Variants in NSD1 observed in about 807,000 individuals in gnomAD.
The protein encoded by NSD1 is nuclear receptor binding SET domain protein 1.
NSD1 carries 26 observed loss-of-function variants against 242.7 expected under a neutral mutation model. The ratio of observed to expected loss-of-function variants is 0.11; its 90% CI spans 0.08 to 0.15. NSD1 has a LOEUF of 0.15. Among genes scored for constraint, NSD1 ranks in the 10% least tolerant of loss-of-function variants. The pLI, the probability that NSD1 is intolerant of heterozygous loss-of-function variation, is 1.00. For synonymous variants in NSD1, 1,106 were observed against 1,178.1 expected (o/e 0.94, Z 1.25); for missense variants, 2,495 against 3,272.8 (o/e 0.76, Z 5.80).
In NSD1 at chr5:177,240,772, C is replaced by T. The variant is rs528604873; in HGVS notation, c.4302+907C>T. ...CTATAATCCCAGGACTTAGGGAACC[C>T]GAGGCAGTAGGATTGCTTAAGCTCA... On this transcript the variant is annotated intron_variant, in intron 8 of 22. Coordinates refer to ENST00000439151, the MANE Select transcript of NSD1 (RefSeq NM_022455.5). Among the ~76,000 whole-genome samples the T allele has an allele frequency of 9.2e-5, 14 of 152,034 alleles. No individual in the cohort carries two copies. The South Asian group carries it at 1.0e-3, about 11-fold the overall frequency.
intron 14 of NSD1, chr5:177,265,503 G>C (rs1187878820): frequency 3.0e-6 from 2 of 671,982 alleles, no homozygotes; most frequent in South Asian, 1.8e-5. Flanking sequence ...GAGAGAGGAA[G>C]GGGGAGCCCC....
At chr5:177,143,783 CT>C (rs11300578) in intron 2 of NSD1, among the ~76,000 whole-genome samples, 25,465 of 121,056 alleles carry the variant, frequency 0.21, 1,542 homozygotes, top group African/African-American at 0.29. Flanking sequence ...TACAAGATAA[CT>C]TTTTTTTTTT....
intron 2 of NSD1, among the ~76,000 whole-genome samples, chr5:177,177,974 A>G (rs978592840): frequency 6.6e-6 from 1 of 152,146 alleles, no homozygotes; most frequent in Non-Finnish European, 1.5e-5. Flanking sequence ...GGCTCACTGC[A>G]ACCTCCACCT....
Position 177,230,180 on chromosome 5 carries a change from G to A in NSD1, c.3797-5641G>A, listed in dbSNP as rs1352010510. Among the ~76,000 whole-genome samples, 3 of 152,086 alleles carry A rather than the reference G, an allele frequency of 2.0e-5. No homozygotes were observed. In the East Asian group the frequency reaches 5.8e-4, roughly 29 times the overall value. On this transcript the variant is annotated intron_variant, in intron 5 of 22. Coordinates refer to ENST00000439151, the MANE Select transcript of NSD1 (RefSeq NM_022455.5). The stretch of plus-strand genomic sequence containing the variant: ...TCGGTCGCCCTGGCTGGAGTGCAGT[G>A]GTGCTGTCTTGGCTCACTGCAACCT...
intron 2 of NSD1, among the ~76,000 whole-genome samples, chr5:177,185,216 C>T (rs1251637098): frequency 2.0e-5 from 3 of 152,066 alleles, no homozygotes; most frequent in Non-Finnish European, 2.9e-5. Context: ...GCCTGTAATC[C>T]CAGTACTTTA....
intron 3 of NSD1, among the ~76,000 whole-genome samples, chr5:177,198,807 A>G (rs1278246865): frequency 6.6e-6 from 1 of 152,206 alleles, no homozygotes; most frequent in African/African-American, 2.4e-5. Flanking sequence ...TTAGATTTGT[A>G]TACTCAACTC....
rs1756267409 is a variant in NSD1 at position 177,135,767 on chromosome 5, G to A, written c.664G>A (p.Val222Ile). ...DSTPESRHGA[V>I]KSPFLPLAPQ... ...CACACCAGAGAGTAGACACGGTGCA[G>A]TCAAATCGCCATTCTTGCCATTAGC... Residue 222 changes from valine (V) to isoleucine (I), a missense_variant, in exon 2 of 23, where the codon GTC becomes ATC. Coordinates refer to ENST00000439151, the MANE Select transcript of NSD1 (RefSeq NM_022455.5). 6.2e-7 allele frequency: 1 copy of A among 1,613,322 alleles called. No homozygotes were observed. Among genetic ancestry groups the A allele is most frequent in the Non-Finnish European group, 8.5e-7 (1 of 1,179,278 alleles).
In NSD1 at chr5:177,238,400, G is replaced by T. The variant is rs2149887582; in HGVS notation, c.4085G>T (p.Gly1362Val). The stretch of plus-strand genomic sequence containing the variant: ...GGCCCCTTGGCTCAGTCAGAACTTG[G>T]AGGTGGACATGCTGAGTTGCCGCAG... ...LEGPLAQSEL[G>V]GGHAELPQLT... The change falls in exon 7 of 23, where the codon GGA becomes GTA. Residue 1362 changes from glycine to valine, a missense_variant. Coordinates refer to ENST00000439151, the MANE Select transcript of NSD1 (RefSeq NM_022455.5). The surrounding 1 kb of genome is among the most constrained non-coding windows in gnomAD (Gnocchi z 4.6). The T allele has an allele frequency of 1.2e-6, 2 of 1,614,076 alleles. No individual in the cohort carries two copies. The highest frequency in any genetic ancestry group is 1.7e-6 in the Non-Finnish European group (2 of 1,179,998).
In NSD1 at chr5:177,232,520, C is replaced by G. The variant is rs75520452; in HGVS notation, c.3797-3301C>G. ...CACAGCAGAGTTTATTCAACGTCCC[C>G]CAGGGAAAAACTATCCTTCCATCAC... On this transcript the variant is annotated intron_variant, in intron 5 of 22. Coordinates refer to ENST00000439151, the MANE Select transcript of NSD1 (RefSeq NM_022455.5). Among the ~76,000 whole-genome samples the G allele has an allele frequency of 5.4e-3, 827 of 152,250 alleles. 6 individuals are homozygous for G. The highest frequency in any genetic ancestry group is 0.019 in the African/African-American group (782 of 41,534).
At position 177,251,865 on chromosome 5, in the gene NSD1, A is replaced by G. The variant is rs1332304444; in HGVS notation, c.4765+12A>G. On this transcript the variant is annotated intron_variant, in intron 12 of 22. Transcript: ENST00000439151. ...TGAATGTCGCACAGGTAAAGTAGAT[A>G]TCGAACGGTCTTCCTCCAAAGAAAG... is the stretch of plus-strand genomic sequence containing the variant. 1 of 1,614,182 alleles carries G rather than the reference A, an allele frequency of 6.2e-7. No homozygotes were observed. The highest frequency in any genetic ancestry group is 2.2e-5 in the East Asian group (1 of 44,884).
At chr5:177,132,028 T>C (rs1755920418), upstream of NSD1, among the ~76,000 whole-genome samples, 1 of 152,178 alleles carries the variant, frequency 6.6e-6, no homozygotes, top group African/African-American at 2.4e-5. This position sits in a 1 kb window ranked among gnomAD's most constrained non-coding sequence, Gnocchi z 7.5. Context: ...CAGGCCCAGC[T>C]TGGGCTCCCT....
chr5:177,152,163 C>T (rs1053726926), intron 2 of NSD1, among the ~76,000 whole-genome samples: 7 of 151,252 alleles, frequency 4.6e-5, no homozygotes, highest in African/African-American at 1.5e-4. Context: ...CCTGGCCATG[C>T]CCAGCTAATT....
chr5:177,280,875 C>T (rs750969030), intron 18 of NSD1, 41 bp downstream of exon 18: 15 of 1,599,274 alleles, frequency 9.4e-6, no homozygotes, highest in Non-Finnish European at 1.2e-5. Flanking sequence ...CTCCTCTTTG[C>T]AGTTGCTTGA....
chr5:177,239,960 A>G, intron 8 of NSD1, 95 bp downstream of exon 8: 1 of 734,602 alleles, frequency 1.4e-6, no homozygotes, highest in Non-Finnish European at 2.4e-6. Flanking sequence ...ATTGATGTAC[A>G]TACATATAGA....
At chr5:177,183,171 AT>A (rs34444460) in intron 2 of NSD1, among the ~76,000 whole-genome samples, 5 of 151,964 alleles carry the variant, frequency 3.3e-5, no homozygotes, top group South Asian at 2.1e-4. Flanking sequence ...AGCACTATAT[AT>A]TTTTTCCCCC....
chr5:177,266,603 A>T, intron 14 of NSD1: 1 of 632,932 alleles, frequency 1.6e-6, no homozygotes. Context: ...ACCCGCACCT[A>T]CTCCTCTTCC....
At chr5:177,243,615 G>T (rs1766056559) in intron 8 of NSD1, among the ~76,000 whole-genome samples, 1 of 152,190 alleles carries the variant, frequency 6.6e-6, no homozygotes, top group Non-Finnish European at 1.5e-5. Flanking sequence ...TGTGTATCTA[G>T]TCTATATGTT....
intron 2 of NSD1, among the ~76,000 whole-genome samples, chr5:177,148,415 G>A (rs1456381600): frequency 3.3e-5 from 5 of 151,450 alleles, no homozygotes; most frequent in Admixed American, 1.3e-4. Context: ...ACGGCGCCCC[G>A]CCAATGTTCA....
chr5:177,157,804 A>G (rs1758259361), intron 2 of NSD1, among the ~76,000 whole-genome samples: 1 of 152,140 alleles, frequency 6.6e-6, no homozygotes. Context: ...AATCTAATTC[A>G]TGTTTCTATG....
Sources: gnomAD v4.1 joint callset for allele counts (sites outside exome capture counted in the v4.1 genomes callset) on GRCh38, gnomAD v4.1.1 for gene constraint, Gnocchi (gnomAD v3.1) non-coding constraint, MANE v1.5 for transcripts, NCBI Gene and HGNC (gene_info 2026-07-23, HGNC 2026-07-21) for gene names.